Variants in STARD13 observed in about 807,000 individuals in gnomAD.
STARD13 encodes stAR-related lipid transfer protein 13.
In STARD13, 62 loss-of-function variants were observed where a neutral mutation model predicts 106.4. The observed-to-expected ratio is 0.58, with a 90% CI of 0.48 to 0.72. The LOEUF is 0.72. STARD13 is among the 30% of genes least tolerant of loss of function. STARD13 has a pLI of 0.00. For synonymous variants in STARD13, 565 were observed against 553.0 expected (o/e 1.02, Z -0.31); for missense variants, 1,387 against 1,424.0 (o/e 0.97, Z 0.42).
intron 1 of STARD13, among the ~76,000 whole-genome samples, chr13:33,194,656 G>C (rs1053180359): frequency 2.0e-5 from 3 of 151,944 alleles, no homozygotes; most frequent in Non-Finnish European, 4.4e-5. Flanking sequence ...TGCTTGTATT[G>C]GGCAGAATAT....
At chr13:33,439,380 T>C in the STARD13 span, among the ~76,000 whole-genome samples, 2 of 152,348 alleles carry the variant, frequency 1.3e-5, no homozygotes, top group South Asian at 4.1e-4. Flanking sequence ...ATTTAATTCC[T>C]ATTTAACTTA....
At chr13:33,556,068 G>T in the STARD13 span, among the ~76,000 whole-genome samples, 10 of 152,252 alleles carry the variant, frequency 6.6e-5, no homozygotes, top group Middle Eastern at 3.4e-3. Context: ...AGTTAATGCT[G>T]TCATGTTTAC....
exon 1 of STARD13, chr13:33,350,473 G>A (rs1266084543): frequency 5.9e-5 from 88 of 1,490,346 alleles, no homozygotes; most frequent in Non-Finnish European, 7.8e-5. Flanking sequence ...CGTGGCCCGC[G>A]ACTCAGACTC....
chr13:33,642,176 T>C, the STARD13 span, among the ~76,000 whole-genome samples: 1 of 152,212 alleles, frequency 6.6e-6, no homozygotes, highest in South Asian at 2.1e-4. Context: ...TGATCTTTTC[T>C]GACGTTTACC....
At chr13:33,459,983 T>C in the STARD13 span, among the ~76,000 whole-genome samples, 1 of 152,210 alleles carries the variant, frequency 6.6e-6, no homozygotes, top group Non-Finnish European at 1.5e-5. Flanking sequence ...ATGATCTCTT[T>C]ATTATTAGTG....
the STARD13 span, among the ~76,000 whole-genome samples, chr13:33,356,898 T>C: frequency 6.6e-6 from 1 of 152,178 alleles, no homozygotes; most frequent in East Asian, 1.9e-4. Flanking sequence ...TGATAAGGTG[T>C]AGGAGAGATA....
the STARD13 span, among the ~76,000 whole-genome samples, chr13:33,446,785 C>T: frequency 1.1e-4 from 17 of 152,142 alleles, no homozygotes; most frequent in African/African-American, 3.6e-4. Flanking sequence ...TAAAATGATG[C>T]TATTTAATAA....
At chr13:33,659,150 A>G in the STARD13 span, among the ~76,000 whole-genome samples, 6 of 152,022 alleles carry the variant, frequency 3.9e-5, no homozygotes, top group East Asian at 1.2e-3. Flanking sequence ...ATGTAACACG[A>G]AAAGGTGGGT....
At chr13:33,473,594 C>T in the STARD13 span, among the ~76,000 whole-genome samples, 1 of 152,282 alleles carries the variant, frequency 6.6e-6, no homozygotes, top group African/African-American at 2.4e-5. Flanking sequence ...CCAGACCAAA[C>T]CCCTGCTGTT....
At chr13:33,319,844 T>C (rs1893490051) in intron 1 of STARD13, among the ~76,000 whole-genome samples, 1 of 152,254 alleles carries the variant, frequency 6.6e-6, no homozygotes, top group African/African-American at 2.4e-5. Context: ...AGGAACCAGA[T>C]GCATACTTGT....
At chr13:33,596,516 C>T in the STARD13 span, among the ~76,000 whole-genome samples, 10,451 of 152,184 alleles carry the variant, frequency 0.069, 383 homozygotes, top group East Asian at 0.098. Context: ...GCATTTAGGA[C>T]ATTTATCACC....
rs544447705 is a variant in STARD13 at position 33,180,523 on chromosome 13, C to T, written c.170-12901G>A. Reference sequence around the variant, plus strand: ...TCCATGTTATGAGAAAAAATCTCAACAAGTAAGTAAATTGTGAGCAAGGGA... The same window carrying T: ...TCCATGTTATGAGAAAAAATCTCAATAAGTAAGTAAATTGTGAGCAAGGGA... On this transcript the variant is annotated intron_variant, in intron 1 of 13. Transcript: ENST00000336934. 2.0e-5 allele frequency: 3 copies of T among 152,230 alleles called. No homozygotes were observed. In the East Asian group the frequency reaches 5.8e-4, roughly 29 times the overall value. The allele number at this position is 152,230 out of a possible 1,614,324, so 9.4% of individuals were successfully genotyped here.
At chr13:33,450,371 A>G in the STARD13 span, among the ~76,000 whole-genome samples, 1 of 152,226 alleles carries the variant, frequency 6.6e-6, no homozygotes, top group African/African-American at 2.4e-5. Context: ...TATCATGTTT[A>G]ATGATTTTCC....
chr13:33,567,034 A>G, the STARD13 span, among the ~76,000 whole-genome samples: 3 of 148,152 alleles, frequency 2.0e-5, no homozygotes, highest in Admixed American at 2.1e-4. Flanking sequence ...CCATAGTGCA[A>G]TTCCTATGCT....
the STARD13 span, among the ~76,000 whole-genome samples, chr13:33,458,082 C>A: frequency 6.6e-6 from 1 of 152,122 alleles, no homozygotes. Context: ...CTGTAATTAT[C>A]CTTCACACCA....
the STARD13 span, among the ~76,000 whole-genome samples, chr13:33,542,873 C>G: frequency 0.012 from 1,903 of 152,300 alleles, 31 homozygotes; most frequent in African/African-American, 0.043. Flanking sequence ...GTGGCACGCG[C>G]CCTTCTCTCG....
rs1353263513 is a variant in STARD13 at position 33,104,880 on chromosome 13, G to C, written c.*713C>G. Reference sequence around the variant, plus strand: ...CTCATCTAGCTTTAAATTTGGTAATGACTTCTCACCCCCCCATTTGCTTTA... The same window carrying C: ...CTCATCTAGCTTTAAATTTGGTAATCACTTCTCACCCCCCCATTTGCTTTA... On this transcript the variant is annotated 3_prime_UTR_variant, in exon 14 of 14. Coordinates refer to ENST00000336934, the MANE Select transcript of STARD13 (RefSeq NM_178006.4). 6.5e-6 allele frequency: 1 copy of C among 153,444 alleles called. No homozygotes were observed. Among genetic ancestry groups the C allele is most frequent in the African/African-American group, 2.4e-5 (1 of 41,396 alleles). 9.5% of individuals were successfully genotyped at this position (153,444 alleles called of 1,614,324 possible). A position where few individuals can be genotyped will look rare whatever the true frequency, so the allele number is the denominator to read the frequency against.
At chr13:33,449,205 G>T in the STARD13 span, among the ~76,000 whole-genome samples, 1 of 151,848 alleles carries the variant, frequency 6.6e-6, no homozygotes, top group African/African-American at 2.4e-5. Flanking sequence ...TTTCTCCTGT[G>T]TTTTCTCTTT....
intron 1 of STARD13, among the ~76,000 whole-genome samples, chr13:33,266,283 T>A (rs1890892406): frequency 6.6e-6 from 1 of 152,244 alleles, no homozygotes; most frequent in African/African-American, 2.4e-5. Context: ...TTACATGACA[T>A]AATTATTGAT....
Sources: gnomAD v4.1 joint callset for allele counts (sites outside exome capture counted in the v4.1 genomes callset) on GRCh38, gnomAD v4.1.1 for gene constraint, MANE v1.5 for transcripts, NCBI Gene and HGNC (gene_info 2026-07-23, HGNC 2026-07-21) for gene names.